The following LPP variants were observed in gnomAD, a reference collection of about 807,000 sequenced individuals.
The protein encoded by LPP is lipoma-preferred partner.
In LPP, 38 loss-of-function variants were observed where a neutral mutation model predicts 60.4. The ratio of observed to expected loss-of-function variants is 0.63; its 90% CI spans 0.49 to 0.83. The LOEUF (loss-of-function observed/expected upper bound fraction) is 0.83, where lower values mean the gene tolerates loss of function less well. LPP is among the 40% of genes least tolerant of loss of function. The pLI, the probability that LPP is intolerant of heterozygous loss-of-function variation, is 0.00. For missense variants in LPP, 902 were observed against 783.6 expected (o/e 1.15, Z -1.80); for synonymous variants, 328 against 290.8 (o/e 1.13, Z -1.30).
At chr3:188,414,331 G>A (rs183497839) in intron 4 of LPP, among the ~76,000 whole-genome samples, 21 of 152,198 alleles carry the variant, frequency 1.4e-4, no homozygotes, top group African/African-American at 4.6e-4. Flanking sequence ...AATGCTCAAA[G>A]GAAATGCTCA....
chr3:188,383,394 A>AT (rs1777400919), intron 3 of LPP, among the ~76,000 whole-genome samples: 1 of 152,086 alleles, frequency 6.6e-6, no homozygotes, highest in Admixed American at 6.6e-5. Context: ...ATTTTAATTG[A>AT]TTTTTGTTGT....
chr3:188,833,847 T>G (rs1577866237), intron 9 of LPP, among the ~76,000 whole-genome samples: 1 of 152,194 alleles, frequency 6.6e-6, no homozygotes, highest in Admixed American at 6.5e-5. Context: ...CGTAAACTAT[T>G]TATATGTTTT....
rs1770571248 is a variant in LPP at position 188,885,640 on chromosome 3, T to C, written c.*11161T>C. 6.4e-6 allele frequency: 1 copy of C among 155,086 alleles called. No individual in the cohort carries two copies. Among genetic ancestry groups the C allele is most frequent in the South Asian group, 2.1e-4 (1 of 4,864 alleles). The allele number at this position is 155,086 out of a possible 1,614,324, so 9.6% of individuals were successfully genotyped here. A position where few individuals can be genotyped will look rare whatever the true frequency, so the allele number is the denominator to read the frequency against. On this transcript the variant is annotated 3_prime_UTR_variant, in exon 12 of 12. Transcript: ENST00000617246. Reference sequence around the variant, plus strand: ...TTATAGCAGCATGATTTATAATCCTTTGGGTATATACCCAGTAATGGGATG... The same window carrying C: ...TTATAGCAGCATGATTTATAATCCTCTGGGTATATACCCAGTAATGGGATG...
At chr3:188,493,996 G>A (rs1227764267) in intron 5 of LPP, among the ~76,000 whole-genome samples, 1 of 152,132 alleles carries the variant, frequency 6.6e-6, no homozygotes, top group Non-Finnish European at 1.5e-5. Flanking sequence ...TATTTGGTAG[G>A]AGTGGCTCTG....
chr3:188,466,819 A>ATC (rs1800534120), intron 4 of LPP, among the ~76,000 whole-genome samples: 1 of 115,470 alleles, frequency 8.7e-6, no homozygotes, highest in Non-Finnish European at 1.8e-5. Context: ...ATATATATAT[A>ATC]TATATATATA....
chr3:188,311,078 C>A (rs1406816789), intron 2 of LPP, among the ~76,000 whole-genome samples: 1 of 152,092 alleles, frequency 6.6e-6, no homozygotes, highest in Non-Finnish European at 1.5e-5. Flanking sequence ...ATCCTGATAT[C>A]TTTCTCATAG....
At chr3:188,181,482 C>T (rs1724992620) in intron 1 of LPP, among the ~76,000 whole-genome samples, 1 of 152,090 alleles carries the variant, frequency 6.6e-6, no homozygotes, top group South Asian at 2.1e-4. Context: ...CAAACATTTT[C>T]TGTAAAGGAC....
chr3:188,806,304 C>T (rs1414102294), intron 9 of LPP, among the ~76,000 whole-genome samples: 1 of 151,808 alleles, frequency 6.6e-6, no homozygotes, highest in Admixed American at 6.6e-5. Context: ...ACCCCATATT[C>T]AATTCCTTCC....
chr3:188,493,782 C>T (rs903088985), intron 5 of LPP, among the ~76,000 whole-genome samples: 1 of 152,008 alleles, frequency 6.6e-6, no homozygotes, highest in Non-Finnish European at 1.5e-5. Context: ...ATATTTTAAT[C>T]TTTCATTCAC....
intron 7 of LPP, among the ~76,000 whole-genome samples, chr3:188,700,290 A>G (rs1864141317): frequency 6.6e-6 from 1 of 152,192 alleles, no homozygotes; most frequent in Admixed American, 6.5e-5. Flanking sequence ...ACCATGTAAC[A>G]AAGAAATCAA....
At position 188,344,116 on chromosome 3, in the gene LPP, G is replaced by A. The variant is rs556694631; in HGVS notation, c.-10+2397G>A. Reference sequence around the variant, plus strand: ...TAATAGGCAAGATCTGTACTTGAACGAGAACAGGCTTCTGGCCTCTTGTAG... The same window carrying A: ...TAATAGGCAAGATCTGTACTTGAACAAGAACAGGCTTCTGGCCTCTTGTAG... On this transcript the variant is annotated intron_variant, in intron 3 of 11. Transcript: ENST00000617246. 3.3e-5 allele frequency among the ~76,000 whole-genome samples: 5 copies of A among 152,332 alleles called. No individual in the cohort carries two copies. In the South Asian group the frequency reaches 6.2e-4, roughly 19 times the overall value.
At position 188,225,524 on chromosome 3, in the gene LPP, A is replaced by G. The variant is rs1353683882; in HGVS notation, c.-70A>G. The G allele has an allele frequency of 1.3e-5, 2 of 152,224 alleles. No individual in the cohort carries two copies. Among genetic ancestry groups the G allele is most frequent in the South Asian group, 2.1e-4 (1 of 4,834 alleles). The allele number at this position is 152,224 out of a possible 1,614,324, so 9.4% of individuals were successfully genotyped here. ...ATCAGAGGGAAGATCTTTTTCCTCAATTGGTGAGTCCCGCACACAAAAAGA... is the reference window on the plus strand; with the variant it reads ...ATCAGAGGGAAGATCTTTTTCCTCAGTTGGTGAGTCCCGCACACAAAAAGA... On this transcript the variant is annotated 5_prime_UTR_variant, in exon 2 of 12. Transcript: ENST00000617246.
intron 6 of LPP, among the ~76,000 whole-genome samples, chr3:188,601,675 G>T (rs1261972477): frequency 2.0e-5 from 3 of 151,978 alleles, no homozygotes; most frequent in African/African-American, 7.3e-5. Flanking sequence ...CTGTTGAGTG[G>T]GTTTATCTAC....
intron 6 of LPP, among the ~76,000 whole-genome samples, chr3:188,584,040 G>A (rs1370631421): frequency 1.3e-5 from 2 of 152,106 alleles, no homozygotes; most frequent in African/African-American, 2.4e-5. Context: ...CTATAGATAT[G>A]TGTAAGTACT....
intron 7 of LPP, among the ~76,000 whole-genome samples, chr3:188,685,136 A>C (rs778157085): frequency 3.3e-5 from 5 of 152,220 alleles, no homozygotes; most frequent in Non-Finnish European, 5.9e-5. Flanking sequence ...AGGTCATACT[A>C]TCAATTGTAG....
intron 4 of LPP, among the ~76,000 whole-genome samples, chr3:188,465,894 T>C (rs1333728703): frequency 6.6e-6 from 1 of 152,172 alleles, no homozygotes; most frequent in African/African-American, 2.4e-5. Flanking sequence ...TTTTATCACC[T>C]GCATCTCAGT....
In LPP at chr3:188,524,534, G is replaced by A. The variant is rs1819903518; in HGVS notation, c.307-131G>A. ...TCAGCCTACCTCACTGAGATTTTATGAAAGCTTAATTAAAAAAAAAAGAGG... is the reference window on the plus strand; with the variant it reads ...TCAGCCTACCTCACTGAGATTTTATAAAAGCTTAATTAAAAAAAAAAGAGG... On this transcript the variant is annotated intron_variant, in intron 5 of 11. Coordinates refer to ENST00000617246, the MANE Select transcript of LPP (RefSeq NM_001375462.1). The A allele has an allele frequency of 5.7e-6, 5 of 884,392 alleles. 1 individual carries two copies. In the East Asian group the frequency reaches 1.3e-4, roughly 23 times the overall value. The allele number at this position is 884,392 out of a possible 1,614,324, so 54.8% of individuals were successfully genotyped here.
chr3:188,578,207 G>T (rs568070975), intron 6 of LPP, among the ~76,000 whole-genome samples: 39 of 151,870 alleles, frequency 2.6e-4, no homozygotes, highest in African/African-American at 8.9e-4. Flanking sequence ...AAGTGGAGTG[G>T]CCACTATGGT....
At chr3:188,744,315 G>T (rs1037473031) in intron 8 of LPP, among the ~76,000 whole-genome samples, 1 of 152,066 alleles carries the variant, frequency 6.6e-6, no homozygotes, top group Admixed American at 6.6e-5. Context: ...GCCCAAAATG[G>T]GAATGCGGAA....
Sources: gnomAD v4.1 joint callset for allele counts (sites outside exome capture counted in the v4.1 genomes callset) on GRCh38, gnomAD v4.1.1 for gene constraint, MANE v1.5 for transcripts, NCBI Gene and HGNC (gene_info 2026-07-23, HGNC 2026-07-21) for gene names.